Variants in MTOR observed in about 807,000 individuals in gnomAD.
The protein encoded by MTOR is serine/threonine-protein kinase mTOR.
A neutral mutation model predicts 319.8 loss-of-function variants in MTOR; 70 were observed. The ratio of observed to expected loss-of-function variants is 0.22; its 90% CI spans 0.18 to 0.27. The LOEUF (loss-of-function observed/expected upper bound fraction) is 0.27. Ranked by LOEUF, MTOR falls within the 10% of genes least tolerant of loss-of-function variation. The pLI, the probability that MTOR is intolerant of heterozygous loss-of-function variation, is 1.00. For missense variants in MTOR, 1,890 were observed against 3,274.4 expected, an observed-to-expected ratio of 0.58 and a Z score of 10.32; for synonymous variants, 1,183 against 1,211.4, an observed-to-expected ratio of 0.98 and a Z score of 0.49.
intron 18 of MTOR, 79 bp downstream of exon 18, chr1:11,230,846 T>G: frequency 6.3e-7 from 1 of 1,591,920 alleles, no homozygotes; most frequent in Non-Finnish European, 8.6e-7. Flanking sequence ...GTAATCCAGC[T>G]CCAGACTTTC....
chr1:11,217,848 TA>T (rs199531031), intron 19 of MTOR, among the ~76,000 whole-genome samples: 20 of 148,002 alleles, frequency 1.4e-4, no homozygotes, highest in African/African-American at 3.7e-4. Context: ...AAGCATTACT[TA>T]AAAAAAAAAG....
At chr1:11,228,373 G>A (rs573416500) in intron 19 of MTOR, among the ~76,000 whole-genome samples, 1 of 152,214 alleles carries the variant, frequency 6.6e-6, no homozygotes, top group East Asian at 1.9e-4. Context: ...ATTTTTAGTA[G>A]AGACGGGGTT....
rs1180848171 is a variant in MTOR, at chr1:11,131,029, G to C, written c.5365-252C>G. 7.0e-6 allele frequency: 4 copies of C among 568,508 alleles called. No homozygotes were observed. The African/African-American group carries it at 7.5e-5, about 11-fold the overall frequency. 35.2% of individuals were successfully genotyped at this position (568,508 alleles called of 1,614,324 possible). On this transcript the variant is annotated intron_variant, in intron 38 of 57. Coordinates refer to ENST00000361445, the MANE Select transcript of MTOR (RefSeq NM_004958.4). ...AGGGCACAGCAAGAGGAGCAGGAGA[G>C]AGCTCTTGCCTCAAGGGATCTCCCG...
At chr1:11,181,483 C>G (rs1645144726) in intron 28 of MTOR, among the ~76,000 whole-genome samples, 1 of 152,116 alleles carries the variant, frequency 6.6e-6, no homozygotes, top group South Asian at 2.1e-4. Flanking sequence ...TGAGACCCCA[C>G]CACTACACTC....
In MTOR at chr1:11,232,480, T is replaced by C. The variant is rs1647052089; in HGVS notation, c.2470A>G (p.Ile824Val). 6.2e-7 allele frequency: 1 copy of C among 1,614,028 alleles called. No homozygotes were observed. Among genetic ancestry groups the C allele is most frequent in the Non-Finnish European group, 8.5e-7 (1 of 1,179,922 alleles). The change falls in exon 16 of 58, where the codon ATC (isoleucine) becomes GTC (valine). Residue 824 changes from isoleucine (I) to valine (V), a missense_variant. Transcript: ENST00000361445. ...GAGGAATCCTGGAGCATGTCCATGA[T>C]GATAATAAAAAGTTCATCAACCCAT... is the stretch of plus-strand genomic sequence containing the variant. ...RKWVDELFII[I>V]MDMLQDSSLL...
chr1:11,256,336 G>C (rs1428445279), intron 4 of MTOR, 144 bp from the exon 5 acceptor site: 2 of 1,444,342 alleles, frequency 1.4e-6, no homozygotes, highest in Admixed American at 2.8e-5. Flanking sequence ...TCTGAGGACA[G>C]AGGAAGGAAA....
At chr1:11,108,412 T>C (rs1261219159) in intron 56 of MTOR, 126 bp from the exon 57 acceptor site, 2 of 782,824 alleles carry the variant, frequency 2.6e-6, no homozygotes, top group South Asian at 1.6e-5. Flanking sequence ...GATACCATCA[T>C]AGTTGGATTT....
chr1:11,163,399 C>A (rs1351775872), intron 29 of MTOR, among the ~76,000 whole-genome samples: 2 of 152,132 alleles, frequency 1.3e-5, no homozygotes, highest in Non-Finnish European at 2.9e-5. Flanking sequence ...ACAAGGATAT[C>A]CAGGAATTGA....
chr1:11,224,378 T>A (rs1646763574), intron 19 of MTOR, among the ~76,000 whole-genome samples: 1 of 152,118 alleles, frequency 6.6e-6, no homozygotes, highest in African/African-American at 2.4e-5. Context: ...CAGGAAGATA[T>A]CAGGATTTAA....
chr1:11,243,035 G>C, intron 9 of MTOR, 79 bp downstream of exon 9: 3 of 1,529,892 alleles, frequency 2.0e-6, no homozygotes, highest in Non-Finnish European at 1.8e-6. Flanking sequence ...ATGGGCGTAA[G>C]CTCCGTGGAT....
At chr1:11,124,660 T>G (rs774149449) in intron 46 of MTOR, 27 bp from the exon 47 acceptor site, 1 of 1,592,432 alleles carries the variant, frequency 6.3e-7, no homozygotes, top group Admixed American at 1.7e-5. Flanking sequence ...GAGCGGTGAG[T>G]GTACATCAGA....
At chr1:11,253,999 A>T in intron 5 of MTOR, 26 bp from the exon 6 acceptor site, 1 of 1,614,074 alleles carries the variant, frequency 6.2e-7, no homozygotes, top group Non-Finnish European at 8.5e-7. Flanking sequence ...GGGTGCCTTC[A>T]TTAGAGACAG....
chr1:11,177,683 G>A (rs17036452), intron 28 of MTOR, among the ~76,000 whole-genome samples: 13,575 of 152,202 alleles, frequency 0.089, 974 homozygotes, highest in South Asian at 0.2. Flanking sequence ...CTGTCACAAT[G>A]CCTAGAGGAC....
intron 13 of MTOR, among the ~76,000 whole-genome samples, chr1:11,236,402 G>A (rs1647232298): frequency 6.6e-6 from 1 of 151,844 alleles, no homozygotes; most frequent in Non-Finnish European, 1.5e-5. Context: ...GCCTCCCAAT[G>A]TGCTGGGATA....
chr1:11,127,675 A>C lies in MTOR; in HGVS notation c.6165T>G (p.His2055Gln). 1 of 1,614,042 alleles carries C rather than the reference A, an allele frequency of 6.2e-7. No homozygotes were observed. The highest frequency in any genetic ancestry group is 8.5e-7 in the Non-Finnish European group (1 of 1,180,012). The change falls in exon 44 of 58, where the codon CAT (histidine) becomes CAG (glutamine). Residue 2055 changes from histidine to glutamine, a missense_variant. His to Gln is a conservative substitution (Grantham distance 24). This residue lies in a region of MTOR where 249 missense variants were observed against 596.2 expected (regional missense o/e 0.42). Transcript: ENST00000361445. The surrounding 1 kb of genome is among the most constrained non-coding windows in gnomAD (Gnocchi z 5.5). ...KGMFEVLEPL[H>Q]AMMERGPQTL... The stretch of plus-strand genomic sequence containing the variant: ...TCTGGGGGCCCCGTTCCATCATAGC[A>C]TGCAAGGGCTCCAGCACCTCAAACA...
At chr1:11,255,453 T>C (rs943675756) in intron 5 of MTOR, among the ~76,000 whole-genome samples, 15 of 151,844 alleles carry the variant, frequency 9.9e-5, no homozygotes, top group African/African-American at 3.6e-4. Flanking sequence ...ATTTGCATTC[T>C]TAGTCATACA....
rs531309948 is a variant in MTOR at position 11,249,116 on chromosome 1, C to A, written c.841-1022G>T. ...GCACATGCCTGTACTCCCAGCTACT[C>A]GGGAGGCTGAGGCAGGAGAATTGCT... On this transcript the variant is annotated intron_variant, in intron 6 of 57. Transcript: ENST00000361445. Among the ~76,000 whole-genome samples the A allele has an allele frequency of 5.9e-5, 9 of 151,724 alleles. No homozygotes were observed. The South Asian group carries it at 1.9e-3, about 32-fold the overall frequency.
At chr1:11,191,450 G>A (rs1645527811) in intron 28 of MTOR, among the ~76,000 whole-genome samples, 1 of 151,998 alleles carries the variant, frequency 6.6e-6, no homozygotes, top group African/African-American at 2.4e-5. Flanking sequence ...CCTCTCTAAG[G>A]TCCCAGTGCA....
chr1:11,201,613 G>C (rs1645971649), intron 26 of MTOR, among the ~76,000 whole-genome samples: 2 of 152,048 alleles, frequency 1.3e-5, no homozygotes, highest in African/African-American at 2.4e-5. Flanking sequence ...ATCCAATGCA[G>C]AAAAATTTAA....
Sources: allele counts gnomAD v4.1 joint callset (sites outside exome capture counted in the v4.1 genomes callset), GRCh38; gene constraint gnomAD v4.1.1; regional missense constraint gnomAD v4.1.1; non-coding constraint Gnocchi (gnomAD v3.1); transcripts MANE v1.5; gene names NCBI Gene and HGNC (gene_info 2026-07-23, HGNC 2026-07-21).